CYB5RL: variants seen among roughly 807,000 people sequenced by gnomAD.
CYB5RL encodes NADH-cytochrome b5 reductase-like.
Under a neutral mutation model 37.5 loss-of-function variants are expected in CYB5RL, and 38 were observed. The observed-to-expected ratio is 1.01, with a 90% CI of 0.78 to 1.33. CYB5RL has a LOEUF of 1.33. CYB5RL is among the 40% of genes most tolerant of loss of function. The pLI is 0.00. For synonymous variants in CYB5RL, 141 were observed against 151.9 expected, an observed-to-expected ratio of 0.93 and a Z score of 0.53; for missense variants, 388 against 394.4, an observed-to-expected ratio of 0.98 and a Z score of 0.14.
Position 54,171,616 on chromosome 1 carries a change from CT to C in CYB5RL, c.*3002del. ...GGGATGCATATGCACAAAGAGAGCT[CT>C]GTGTGGCTCACAGATTGTGGACACC... On this transcript the variant is annotated 3_prime_UTR_variant, in exon 8 of 8. Transcript: ENST00000534324. 5 of 360,824 alleles carry C rather than the reference CT, an allele frequency of 1.4e-5. No homozygotes were observed. Among genetic ancestry groups the C allele is most frequent in the Non-Finnish European group, 2.7e-5 (5 of 182,268 alleles). The allele number at this position is 360,824 out of a possible 1,614,324, so 22.4% of individuals were successfully genotyped here. A position where few individuals can be genotyped will look rare whatever the true frequency, so the allele number is the denominator to read the frequency against.
chr1:54,185,818 C>T (rs974873969), intron 5 of CYB5RL: 1 of 152,282 alleles, frequency 6.6e-6, no homozygotes, highest in Non-Finnish European at 1.5e-5. Context: ...GCTGTGTCCC[C>T]ACCCAAATCT....
intron 7 of CYB5RL, 39 bp from the exon 8 acceptor site, chr1:54,174,861 C>CG (rs573588997): frequency 2.5e-6 from 4 of 1,593,572 alleles, no homozygotes; most frequent in Admixed American, 3.4e-5. Context: ...TACAAGGGAG[C>CG]GGGGGGTCCT....
chr1:54,188,619 C>G (rs958428861), intron 4 of CYB5RL, among the ~76,000 whole-genome samples: 1 of 152,180 alleles, frequency 6.6e-6, no homozygotes, highest in Non-Finnish European at 1.5e-5. Context: ...ATTTCATATG[C>G]ATTATCTCAT....
chr1:54,190,567 T>A (rs1643941246), intron 4 of CYB5RL, 181 bp downstream of exon 4: 1 of 718,346 alleles, frequency 1.4e-6, no homozygotes. Flanking sequence ...TGTTATTATT[T>A]ATTATGAAAA....
In CYB5RL at chr1:54,174,819, T is replaced by A. The variant is rs1227717240; in HGVS notation, c.748A>T (p.Ser250Cys). 3.1e-6 allele frequency: 5 copies of A among 1,612,414 alleles called. No homozygotes were observed. The South Asian group carries it at 3.3e-5, about 11-fold the overall frequency. Residue 250 changes from serine (S) to cysteine (C), a missense_variant, in exon 8 of 8, where the codon AGC becomes TGC. Ser to Cys is a moderately radical substitution (Grantham distance 112). Transcript: ENST00000534324. ...CTCCAGGGAAGCTGCTCTGAGGAGC[T>A]CTCCTGGGAAGACAAGAAAGGCATG... ...VRTFFVLSQE[S>C]SSEQLPWSYQ... is the part of the protein sequence containing the mutation.
intron 3 of CYB5RL, among the ~76,000 whole-genome samples, chr1:54,191,793 T>C (rs1419558453): frequency 2.0e-5 from 3 of 152,210 alleles, no homozygotes; most frequent in Non-Finnish European, 4.4e-5. Context: ...CCATCCAGGA[T>C]GACCTCTTCA....
At chr1:54,198,626 C>T (rs1030395168) in intron 1 of CYB5RL, among the ~76,000 whole-genome samples, 94 of 127,236 alleles carry the variant, frequency 7.4e-4, no homozygotes, top group African/African-American at 2.7e-3. Flanking sequence ...CCACCATGCC[C>T]GGCCTTTTTT....
At chr1:54,183,670 GTTTCA>G (rs952420615) in intron 6 of CYB5RL, among the ~76,000 whole-genome samples, 1 of 152,146 alleles carries the variant, frequency 6.6e-6, no homozygotes, top group African/African-American at 2.4e-5. Context: ...TGGGCAGGCA[GTTTCA>G]TTTATAAGTG....
chr1:54,178,584 C>T (rs971929444), intron 7 of CYB5RL, among the ~76,000 whole-genome samples: 12 of 152,124 alleles, frequency 7.9e-5, no homozygotes, highest in Non-Finnish European at 1.2e-4. Flanking sequence ...CCAGCTACGG[C>T]GGGGTCCTCC....
At chr1:54,193,173 A>G (rs1453356131) in intron 3 of CYB5RL, among the ~76,000 whole-genome samples, 6 of 152,208 alleles carry the variant, frequency 3.9e-5, no homozygotes, top group Non-Finnish European at 8.8e-5. Context: ...TACTTAGTAG[A>G]TCTTGGAGAA....
intron 1 of CYB5RL, 95 bp from the exon 2 acceptor site, chr1:54,196,586 C>T (rs921769737): frequency 1.3e-5 from 2 of 152,230 alleles, no homozygotes; most frequent in African/African-American, 4.8e-5. Context: ...GTAACTACTA[C>T]TCAGTCAAGT....
chr1:54,174,843 T>G, intron 7 of CYB5RL, 21 bp from the exon 8 acceptor site: 2 of 1,608,576 alleles, frequency 1.2e-6, no homozygotes, highest in Non-Finnish European at 1.7e-6. Flanking sequence ...AAGAAAGGCA[T>G]GGGTGACTAC....
intron 2 of CYB5RL, among the ~76,000 whole-genome samples, 160 bp downstream of exon 2, chr1:54,196,209 A>G (rs1411436455): frequency 2.0e-5 from 3 of 152,156 alleles, no homozygotes; most frequent in Non-Finnish European, 4.4e-5. Flanking sequence ...TTTTGCTGAG[A>G]TGAGGTCTCA....
chr1:54,181,772 T>A (rs1468577489), intron 6 of CYB5RL, among the ~76,000 whole-genome samples: 1 of 152,106 alleles, frequency 6.6e-6, no homozygotes, highest in East Asian at 1.9e-4. Flanking sequence ...GGCAACATGG[T>A]GAAATCCTGT....
intron 1 of CYB5RL, among the ~76,000 whole-genome samples, chr1:54,199,447 CTTAT>C (rs1451513427): frequency 2.6e-5 from 4 of 152,190 alleles, no homozygotes; most frequent in Non-Finnish European, 5.9e-5. Flanking sequence ...TCGCAGTTGA[CTTAT>C]TTGTTCGCGT....
rs1166850921 is a variant in CYB5RL at position 54,170,877 on chromosome 1, T to C, written c.*3742A>G. ...TAAATTGGGGTAATAAAATAGCATG[T>C]ATATTGGTGAAGATTCTTGCTTCAA... On this transcript the variant is annotated 3_prime_UTR_variant, in exon 8 of 8. Coordinates refer to ENST00000534324, the MANE Select transcript of CYB5RL (RefSeq NM_001031672.4). 1 of 330,286 alleles carries C rather than the reference T, an allele frequency of 3.0e-6. No homozygotes were observed. Among genetic ancestry groups the C allele is most frequent in the Admixed American group, 3.8e-5 (1 of 26,054 alleles). The allele number at this position is 330,286 out of a possible 1,614,324, so 20.5% of individuals were successfully genotyped here.
chr1:54,191,840 C>A (rs987905084), intron 3 of CYB5RL, among the ~76,000 whole-genome samples: 1 of 152,234 alleles, frequency 6.6e-6, no homozygotes, highest in Non-Finnish European at 1.5e-5. Context: ...TCTGGCACAA[C>A]TGCCTGGTGC....
rs1210426098 is a variant in CYB5RL, at chr1:54,170,773, A to G, written c.*3846T>C. ...TGTGTCACACACAACCTTTACCACAATCACATGCTGGAACTTGTGTATCCC... is the reference window on the plus strand; with the variant it reads ...TGTGTCACACACAACCTTTACCACAGTCACATGCTGGAACTTGTGTATCCC... On this transcript the variant is annotated 3_prime_UTR_variant, in exon 8 of 8. Transcript: ENST00000534324. The G allele has an allele frequency of 7.3e-6, 2 of 272,284 alleles. No homozygotes were observed. The highest frequency in any genetic ancestry group is 1.5e-5 in the Non-Finnish European group (2 of 137,074). 16.9% of individuals were successfully genotyped at this position (272,284 alleles called of 1,614,324 possible). A position where few individuals can be genotyped will look rare whatever the true frequency, so the allele number is the denominator to read the frequency against.
chr1:54,171,109 T>A lies in CYB5RL; in HGVS notation c.*3510A>T, dbSNP rs149408557. 2,858 of 453,996 alleles carry A rather than the reference T, an allele frequency of 6.3e-3. 39 individuals carry two copies. Among genetic ancestry groups the A allele is most frequent in the South Asian group, 0.02 (1,298 of 64,446 alleles). 28.1% of individuals were successfully genotyped at this position (453,996 alleles called of 1,614,324 possible). ...TCTCTGCTCACTGACCAAGCTGGAG[T>A]GGAAGAGACAGGCGAGGCTCCCGGG... On this transcript the variant is annotated 3_prime_UTR_variant, in exon 8 of 8. Transcript: ENST00000534324.
Sources: gnomAD v4.1 joint callset for allele counts (sites outside exome capture counted in the v4.1 genomes callset) on GRCh38, gnomAD v4.1.1 for gene constraint, MANE v1.5 for transcripts, NCBI Gene and HGNC (gene_info 2026-07-23, HGNC 2026-07-21) for gene names.